RALGAPA2: variants seen among roughly 807,000 people sequenced by gnomAD.
RALGAPA2 encodes the protein ral GTPase-activating protein subunit alpha-2.
Under a neutral mutation model 230.4 loss-of-function variants are expected in RALGAPA2, and 139 were observed. The ratio of observed to expected loss-of-function variants is 0.60; its 90% CI spans 0.53 to 0.69. The LOEUF (loss-of-function observed/expected upper bound fraction) is 0.69, where lower values mean the gene tolerates loss of function less well. Among genes scored for constraint, RALGAPA2 ranks in the 30% least tolerant of loss-of-function variants. The pLI is 0.00. For missense variants in RALGAPA2, 2,163 were observed against 2,276.0 expected, an observed-to-expected ratio of 0.95 and a Z score of 1.01; for synonymous variants, 847 against 837.8, an observed-to-expected ratio of 1.01 and a Z score of -0.19.
At chr20:20,534,456 A>G (rs2063448705) in intron 26 of RALGAPA2, among the ~76,000 whole-genome samples, 1 of 152,038 alleles carries the variant, frequency 6.6e-6, no homozygotes, top group East Asian at 1.9e-4. Flanking sequence ...AAAAAAAAAA[A>G]AGATAATAGA....
chr20:20,536,241 A>T (rs1456808483), intron 25 of RALGAPA2, among the ~76,000 whole-genome samples: 1 of 152,252 alleles, frequency 6.6e-6, no homozygotes, highest in African/African-American at 2.4e-5. Flanking sequence ...TCCAATAAAT[A>T]ATTTAGAATC....
chr20:20,614,607 A>G (rs2066076982), intron 13 of RALGAPA2, among the ~76,000 whole-genome samples: 1 of 152,244 alleles, frequency 6.6e-6, no homozygotes, highest in Admixed American at 6.5e-5. Context: ...AGTCTGGGAA[A>G]GATGACATTG....
chr20:20,658,904 AC>A, intron 3 of RALGAPA2, among the ~76,000 whole-genome samples: 1 of 152,354 alleles, frequency 6.6e-6, no homozygotes, highest in South Asian at 2.1e-4. Flanking sequence ...GAAAGCTAGG[AC>A]AGTGAAGAAT....
intron 23 of RALGAPA2, among the ~76,000 whole-genome samples, chr20:20,553,460 G>T (rs1471095653): frequency 6.6e-6 from 1 of 152,046 alleles, no homozygotes; most frequent in African/African-American, 2.4e-5. Flanking sequence ...GATGAGATGG[G>T]AGGATCGCTT....
chr20:20,395,749 C>T (rs941876381), intron 39 of RALGAPA2, among the ~76,000 whole-genome samples: 1 of 152,162 alleles, frequency 6.6e-6, no homozygotes, highest in Non-Finnish European at 1.5e-5. Flanking sequence ...CTCTGGCCTG[C>T]AGGTCCAACA....
chr20:20,690,701 T>C (rs955528890), intron 1 of RALGAPA2, among the ~76,000 whole-genome samples: 1 of 152,028 alleles, frequency 6.6e-6, no homozygotes, highest in African/African-American at 2.4e-5. Context: ...GTCTGCCTGG[T>C]AAGGCTTTTG....
chr20:20,615,912 A>G, intron 13 of RALGAPA2, 131 bp downstream of exon 13: 1 of 662,382 alleles, frequency 1.5e-6, no homozygotes, highest in South Asian at 4.3e-5. Flanking sequence ...TAATTCACAG[A>G]AACTGTTACA....
At chr20:20,590,559 T>C (rs1474092723) in intron 17 of RALGAPA2, among the ~76,000 whole-genome samples, 1 of 152,120 alleles carries the variant, frequency 6.6e-6, no homozygotes, top group Admixed American at 6.5e-5. Context: ...AGACACACTT[T>C]AAGCACACTC....
At chr20:20,566,023 C>T (rs2064407760) in intron 23 of RALGAPA2, among the ~76,000 whole-genome samples, 1 of 152,208 alleles carries the variant, frequency 6.6e-6, no homozygotes, top group African/African-American at 2.4e-5. Flanking sequence ...TAAGCAGGAA[C>T]ACCCAGCCAC....
intron 37 of RALGAPA2, among the ~76,000 whole-genome samples, chr20:20,436,758 G>A (rs73607414): frequency 1.2e-4 from 19 of 152,346 alleles, no homozygotes; most frequent in East Asian, 7.7e-4. Context: ...GGTGAGTAGC[G>A]TTCTGGGAGA....
At chr20:20,516,929 T>A (rs1012545052) in intron 31 of RALGAPA2, among the ~76,000 whole-genome samples, 1 of 152,220 alleles carries the variant, frequency 6.6e-6, no homozygotes, top group Non-Finnish European at 1.5e-5. Context: ...GGAAGTCTCC[T>A]GCAGCAGACA....
At chr20:20,489,116 A>G (rs1321750630) in intron 36 of RALGAPA2, among the ~76,000 whole-genome samples, 1 of 152,208 alleles carries the variant, frequency 6.6e-6, no homozygotes, top group Non-Finnish European at 1.5e-5. Flanking sequence ...TTTGAAGAAA[A>G]TGTTCCACAA....
At chr20:20,537,617 C>T (rs2063530516) in intron 24 of RALGAPA2, among the ~76,000 whole-genome samples, 1 of 115,638 alleles carries the variant, frequency 8.6e-6, no homozygotes, top group South Asian at 3.2e-4. Flanking sequence ...GAGACTCCAT[C>T]TCAAAAAAAA....
chr20:20,397,241 A>C (rs2059736824), intron 38 of RALGAPA2, among the ~76,000 whole-genome samples: 1 of 152,198 alleles, frequency 6.6e-6, no homozygotes, highest in Non-Finnish European at 1.5e-5. Flanking sequence ...CAGTGTGTTA[A>C]TACTGGTGTC....
chr20:20,705,650 TTTGTTG>T (rs747437031), intron 1 of RALGAPA2, among the ~76,000 whole-genome samples: 35 of 152,146 alleles, frequency 2.3e-4, no homozygotes, highest in Non-Finnish European at 4.0e-4. Context: ...AAAGTCAAGT[TTTGTTG>T]TTGTTGTTGT....
chr20:20,515,854 G>A (rs939122955), intron 31 of RALGAPA2, among the ~76,000 whole-genome samples: 35 of 151,938 alleles, frequency 2.3e-4, no homozygotes, highest in Non-Finnish European at 2.9e-4. Flanking sequence ...TGGGGCGGGG[G>A]GGGCAGGGAA....
intron 25 of RALGAPA2, among the ~76,000 whole-genome samples, chr20:20,536,007 C>T (rs1435263453): frequency 6.6e-6 from 1 of 152,136 alleles, no homozygotes. Context: ...CACAGGGCCT[C>T]CTTAGGCCAT....
chr20:20,548,050 G>T (rs2145725789), intron 23 of RALGAPA2, among the ~76,000 whole-genome samples: 1 of 152,070 alleles, frequency 6.6e-6, no homozygotes, highest in South Asian at 2.1e-4. Context: ...AATGTTACAT[G>T]ACTATACTAT....
chr20:20,617,513 A>G (rs1470837287), intron 12 of RALGAPA2, among the ~76,000 whole-genome samples: 1 of 152,244 alleles, frequency 6.6e-6, no homozygotes, highest in East Asian at 1.9e-4. Context: ...CAGATGATAT[A>G]TTGCAACACA....
Sources: gnomAD v4.1 joint callset for allele counts (sites outside exome capture counted in the v4.1 genomes callset) on GRCh38, gnomAD v4.1.1 for gene constraint, MANE v1.5 for transcripts, NCBI Gene and HGNC (gene_info 2026-07-23, HGNC 2026-07-21) for gene names.